The following STRIP1 variants were observed in gnomAD, a reference collection of about 807,000 sequenced individuals.
The protein encoded by STRIP1 is striatin-interacting protein 1.
A neutral mutation model predicts 106.2 loss-of-function variants in STRIP1; 63 were observed. The ratio of observed to expected loss-of-function variants is 0.59; its 90% CI spans 0.48 to 0.73. The LOEUF is 0.73. STRIP1 is among the 30% of genes least tolerant of loss of function. The pLI, the probability that STRIP1 is intolerant of heterozygous loss-of-function variation, is 0.00. For missense variants in STRIP1, 857 were observed against 1,074.8 expected (o/e 0.80, Z 2.83); for synonymous variants, 390 against 413.0 (o/e 0.94, Z 0.67).
upstream of STRIP1, among the ~76,000 whole-genome samples, chr1:110,033,782 C>A (rs896205180): frequency 6.6e-6 from 1 of 152,260 alleles, no homozygotes; most frequent in African/African-American, 2.4e-5. Context: ...CCATAGCACT[C>A]GGTATCTGAC....
At chr1:110,041,369 G>C in intron 6 of STRIP1, 167 bp from the exon 7 acceptor site, 4 of 573,270 alleles carry the variant, frequency 7.0e-6, no homozygotes, top group Non-Finnish European at 9.4e-6. Flanking sequence ...TTTCTTTTCA[G>C]GAAGCTTAGG....
intron 2 of STRIP1, 111 bp downstream of exon 2, chr1:110,038,071 AAT>A (rs3085770): frequency 0.077 from 10,014 of 130,018 alleles, 576 homozygotes; most frequent in South Asian, 0.11. Context: ...AGTTCTATCA[AAT>A]ATATATATAT....
chr1:110,034,494 CGAGG>C, upstream of STRIP1: 1 of 871,714 alleles, frequency 1.1e-6, no homozygotes, highest in Non-Finnish European at 1.6e-6. Flanking sequence ...CAGAATATCG[CGAGG>C]TATTGGTCAG....
At chr1:110,051,128 G>A in intron 19 of STRIP1, 68 bp downstream of exon 19, 2 of 1,051,920 alleles carry the variant, frequency 1.9e-6, no homozygotes, top group Non-Finnish European at 3.0e-6. Flanking sequence ...GGAGCAGGGA[G>A]TCCCCAGGGT....
At chr1:110,038,980 A>G (rs769635211) in intron 3 of STRIP1, 192 bp from the exon 4 acceptor site, 9 of 780,538 alleles carry the variant, frequency 1.2e-5, no homozygotes, top group Admixed American at 5.8e-5. Context: ...ATGTGATTAA[A>G]ATTGCACCCA....
intron 9 of STRIP1, 132 bp downstream of exon 9, chr1:110,043,402 G>A: frequency 1.3e-5 from 13 of 1,036,868 alleles, no homozygotes; most frequent in Non-Finnish European, 1.8e-5. Context: ...CCTCCACAGC[G>A]AGGATACTTT....
At chr1:110,038,615 C>T in intron 2 of STRIP1, 68 bp from the exon 3 acceptor site, 1 of 1,333,632 alleles carries the variant, frequency 7.5e-7, no homozygotes. Context: ...CTTGCCTTCT[C>T]TGCACTTGTG....
chr1:110,053,452 C>G lies in STRIP1; in HGVS notation c.2267-213C>G, dbSNP rs116796213. Among the ~76,000 whole-genome samples the G allele has an allele frequency of 4.5e-3, 683 of 152,312 alleles. 5 individuals carry two copies. The highest frequency in any genetic ancestry group is 6.9e-3 in the Non-Finnish European group (472 of 68,026). On this transcript the variant is annotated intron_variant, in intron 20 of 20. Coordinates refer to ENST00000369795, the MANE Select transcript of STRIP1 (RefSeq NM_033088.4). ...TTCTCCCTCTCTGGGTCTACATAAT[C>G]CCTACAGTATAAGCCTCTTTCTCAG...
chr1:110,042,097 G>A (rs546721640), intron 8 of STRIP1, among the ~76,000 whole-genome samples: 1 of 152,182 alleles, frequency 6.6e-6, no homozygotes, highest in Non-Finnish European at 1.5e-5. Flanking sequence ...GACCCCGGAA[G>A]CTGTTTTCTG....
At chr1:110,032,644 C>T (rs956670676), upstream of STRIP1, among the ~76,000 whole-genome samples, 2 of 152,126 alleles carry the variant, frequency 1.3e-5, no homozygotes, top group Non-Finnish European at 2.9e-5. Context: ...TACAGCCATC[C>T]ACTCAGTTGC....
upstream of STRIP1, among the ~76,000 whole-genome samples, chr1:110,034,121 A>G (rs1652316581): frequency 6.6e-6 from 1 of 152,162 alleles, no homozygotes. Context: ...ATATTTGTCT[A>G]TTGTTTGTCT....
In STRIP1 at chr1:110,053,698, A is replaced by G. The variant is rs1387658044; in HGVS notation, c.2300A>G (p.Glu767Gly). The G allele has an allele frequency of 6.2e-7, 1 of 1,614,024 alleles. No homozygotes were observed. Among genetic ancestry groups the G allele is most frequent in the African/African-American group, 1.3e-5 (1 of 74,922 alleles). The change falls in exon 21 of 21, where the codon GAG (glutamate) becomes GGG (glycine). Residue 767 changes from glutamate (E) to glycine (G), a missense_variant. Glu to Gly is a moderately conservative substitution (Grantham distance 98). Coordinates refer to ENST00000369795, the MANE Select transcript of STRIP1 (RefSeq NM_033088.4). ...GCCCGGCCTTGGGACTTCCAGGCAG[A>G]GGAGTGTGCCCTTCGTGCCAACATT... ...LDARPWDFQA[E>G]ECALRANIER...
intron 9 of STRIP1, 30 bp from the exon 10 acceptor site, chr1:110,043,609 T>C (rs1392500908): frequency 1.3e-6 from 2 of 1,597,894 alleles, no homozygotes; most frequent in Admixed American, 1.7e-5. Flanking sequence ...CTCAGTTGGC[T>C]CTTGTCTCAT....
In STRIP1 at chr1:110,047,828, CTCAA is replaced by C; in HGVS notation, c.1625_1628del (p.Ile542ThrfsTer3). The C allele has an allele frequency of 6.4e-7, 1 of 1,568,752 alleles. No homozygotes were observed. The highest frequency in any genetic ancestry group is 2.3e-5 in the East Asian group (1 of 42,942). On this transcript the variant is annotated frameshift_variant, in exon 15 of 21. Coordinates refer to ENST00000369795, the MANE Select transcript of STRIP1 (RefSeq NM_033088.4). LOFTEE classifies it high-confidence loss of function. Reference sequence around the variant, plus strand: ...CACCCACCTCAAAAGCCAAAACAGACTCAATCAACATCCTAGCGGACGTCTTGCC... The same window carrying C: ...CACCCACCTCAAAAGCCAAAACAGACTCAACATCCTAGCGGACGTCTTGCC...
chr1:110,046,501 AAAAAAT>A (rs912977803), intron 12 of STRIP1, among the ~76,000 whole-genome samples, 173 bp from the exon 13 acceptor site: 7 of 152,124 alleles, frequency 4.6e-5, no homozygotes, highest in South Asian at 2.1e-4. Context: ...CTTCATCTCA[AAAAAAT>A]AAAAATAAAA....
At chr1:110,047,491 G>A (rs1557794047) in intron 13 of STRIP1, 51 bp from the exon 14 acceptor site, 1 of 1,478,098 alleles carries the variant, frequency 6.8e-7, no homozygotes, top group Non-Finnish European at 9.4e-7. Flanking sequence ...GCTGGCTCAG[G>A]AGATTGTATT....
chr1:110,037,481 A>G (rs1482996944), intron 1 of STRIP1, among the ~76,000 whole-genome samples: 1 of 152,254 alleles, frequency 6.6e-6, no homozygotes, highest in Non-Finnish European at 1.5e-5. Context: ...TTCTGGAATC[A>G]TAGCATCATA....
chr1:110,037,425 T>G (rs1253699252), intron 1 of STRIP1, among the ~76,000 whole-genome samples: 1 of 152,254 alleles, frequency 6.6e-6, no homozygotes, highest in African/African-American at 2.4e-5. Flanking sequence ...ATACTCATTT[T>G]TGTCCTGAGC....
At chr1:110,034,856 G>A in intron 1 of STRIP1, 39 bp downstream of exon 1, 4 of 1,375,902 alleles carry the variant, frequency 2.9e-6, no homozygotes, top group African/African-American at 3.1e-5. Flanking sequence ...ACCGGGTCGG[G>A]CGGCGCCGGG....
Sources: gnomAD v4.1 joint callset for allele counts (sites outside exome capture counted in the v4.1 genomes callset) on GRCh38, gnomAD v4.1.1 for gene constraint, MANE v1.5 for transcripts, NCBI Gene and HGNC (gene_info 2026-07-23, HGNC 2026-07-21) for gene names.